The following ARRB2 variants were observed in gnomAD, a reference collection of about 807,000 sequenced individuals.
ARRB2 encodes the protein beta-arrestin-2.
ARRB2 carries 21 observed loss-of-function variants against 53.4 expected under a neutral mutation model. The observed-to-expected ratio is 0.39, with a 90% CI of 0.28 to 0.57. ARRB2 has a LOEUF of 0.57. Among genes scored for constraint, ARRB2 ranks in the 20% least tolerant of loss-of-function variants. The probability of loss-of-function intolerance (pLI) is 0.55; values close to 1 mark genes in which losing one functional copy is unlikely to be tolerated. For missense variants in ARRB2, 369 were observed against 527.5 expected, an observed-to-expected ratio of 0.70 and a Z score of 2.94; for synonymous variants, 180 against 212.9, an observed-to-expected ratio of 0.85 and a Z score of 1.34.
rs374803432 is a variant in ARRB2, at chr17:4,720,846, G to A, written c.1137-100G>A. On this transcript the variant is annotated intron_variant, in intron 14 of 14. Transcript: ENST00000269260. The stretch of plus-strand genomic sequence containing the variant: ...CCTCTGGTCCCACTGCTGTTCGAAC[G>A]CCTCTGTCCCAGAGGCCTAGCTTCG... 30 of 1,280,232 alleles carry A rather than the reference G, an allele frequency of 2.3e-5. No homozygotes were observed. The East Asian group carries it at 3.0e-4, about 13-fold the overall frequency. The allele number at this position is 1,280,232 out of a possible 1,614,324, so 79.3% of individuals were successfully genotyped here. A position where few individuals can be genotyped will look rare whatever the true frequency, so the allele number is the denominator to read the frequency against.
chr17:4,713,013 A>G (rs1359931877), intron 1 of ARRB2, among the ~76,000 whole-genome samples: 1 of 152,070 alleles, frequency 6.6e-6, no homozygotes, highest in African/African-American at 2.4e-5. Flanking sequence ...TTTTGAGACA[A>G]AGTCTTGCTC....
chr17:4,719,544 G>T, intron 11 of ARRB2, 124 bp downstream of exon 11: 1 of 1,387,476 alleles, frequency 7.2e-7, no homozygotes. Flanking sequence ...TTACATTCTA[G>T]GGGAGGGAGG....
intron 1 of ARRB2, among the ~76,000 whole-genome samples, chr17:4,711,795 G>C (rs963858030): frequency 2.0e-5 from 3 of 152,180 alleles, no homozygotes; most frequent in Non-Finnish European, 2.9e-5. Flanking sequence ...GAGTGGGACG[G>C]ATGGACCAAA....
Position 4,720,267 on chromosome 17 carries a change from G to A in ARRB2, c.969G>A (p.Arg323=). 2 of 1,613,990 alleles carry A rather than the reference G, an allele frequency of 1.2e-6. No individual in the cohort carries two copies. Among genetic ancestry groups the A allele is most frequent in the Non-Finnish European group, 1.7e-6 (2 of 1,179,970 alleles). Residue 323 remains arginine (R), a synonymous_variant, in exon 12 of 15, where the codon AGG becomes AGA. Coordinates refer to ENST00000269260, the MANE Select transcript of ARRB2 (RefSeq NM_004313.4). ...TGCTGGGAATCCTGGTGTCCTACAG[G>A]GTCAAGGTGAAGCTGGTGGTGTCTC... ...KEVLGILVSY[R]VKVKLVVSRG...
Position 4,720,579 on chromosome 17 carries a change from C to T in ARRB2, c.1082-7C>T. The T allele has an allele frequency of 1.3e-6, 2 of 1,586,580 alleles. No homozygotes were observed. The highest frequency in any genetic ancestry group is 1.7e-6 in the Non-Finnish European group (2 of 1,169,476). On this transcript the variant is annotated splice_region_variant and splice_polypyrimidine_tract_variant and intron_variant, in intron 13 of 14. Coordinates refer to ENST00000269260, the MANE Select transcript of ARRB2 (RefSeq NM_004313.4). ...CACCCCCACACCCCCTCTTCCCGTC[C>T]CCCCAGCCGCTCCGGAGACAGATGT...
At chr17:4,712,907 C>G (rs1450202988) in intron 1 of ARRB2, among the ~76,000 whole-genome samples, 1 of 152,240 alleles carries the variant, frequency 6.6e-6, no homozygotes. Context: ...CTTGACCTCT[C>G]TCTGCCTCAG....
chr17:4,719,553 G>A (rs1208036360), intron 11 of ARRB2, 133 bp downstream of exon 11: 1 of 1,313,998 alleles, frequency 7.6e-7, no homozygotes, highest in Non-Finnish European at 1.0e-6. Flanking sequence ...AGGGGAGGGA[G>A]GATAGCCAAA....
chr17:4,716,671 G>T, intron 5 of ARRB2, 63 bp downstream of exon 5: 1 of 1,531,162 alleles, frequency 6.5e-7, no homozygotes, highest in Non-Finnish European at 8.8e-7. Context: ...CTGGGGTGGG[G>T]GTAAGGCACT....
intron 11 of ARRB2, 83 bp from the exon 12 acceptor site, chr17:4,720,133 C>G (rs995051732): frequency 7.0e-7 from 1 of 1,437,314 alleles, no homozygotes; most frequent in East Asian, 2.5e-5. Flanking sequence ...TGTGGTCCTG[C>G]CCAGAGTCCC....
intron 4 of ARRB2, 88 bp downstream of exon 4, chr17:4,716,279 G>A: frequency 6.2e-7 from 1 of 1,607,862 alleles, no homozygotes; most frequent in Non-Finnish European, 8.5e-7. Flanking sequence ...CCAGAGAGAT[G>A]GAGGCTGGAG....
At chr17:4,716,090 C>G in intron 3 of ARRB2, 57 bp downstream of exon 3, 1 of 1,614,092 alleles carries the variant, frequency 6.2e-7, no homozygotes, top group Non-Finnish European at 8.5e-7. Context: ...AGTTCCCGGG[C>G]CCAGGAAAGC....
chr17:4,718,087 C>T, intron 8 of ARRB2, 64 bp downstream of exon 8: 1 of 1,602,344 alleles, frequency 6.2e-7, no homozygotes. Flanking sequence ...AGGGGCGAAG[C>T]CACACATCAA....
intron 11 of ARRB2, 57 bp from the exon 12 acceptor site, chr17:4,720,159 G>A (rs950786858): frequency 1.2e-5 from 18 of 1,547,154 alleles, no homozygotes; most frequent in Middle Eastern, 1.8e-4. Flanking sequence ...GAACCCCACG[G>A]TGGGCCAGGT....
At chr17:4,716,679 A>C in intron 5 of ARRB2, 71 bp downstream of exon 5, 3 of 1,523,638 alleles carry the variant, frequency 2.0e-6, no homozygotes. Flanking sequence ...GGGGTAAGGC[A>C]CTGCTGTGGG....
Position 4,718,250 on chromosome 17 carries a change from C to T in ARRB2, c.622-11C>T. 3.7e-6 allele frequency: 6 copies of T among 1,608,072 alleles called. No individual in the cohort carries two copies. The highest frequency in any genetic ancestry group is 4.2e-6 in the Non-Finnish European group (5 of 1,176,782). ...CCAGTTCCAATTCACATGACCCCCT[C>T]CCCCCAAAAGCTGTACTACCATGGG... is the stretch of plus-strand genomic sequence containing the variant. On this transcript the variant is annotated splice_polypyrimidine_tract_variant and intron_variant, in intron 8 of 14. Transcript: ENST00000269260.
intron 13 of ARRB2, 48 bp downstream of exon 13, chr17:4,720,520 G>A: frequency 6.3e-7 from 1 of 1,586,968 alleles, no homozygotes; most frequent in Non-Finnish European, 8.6e-7. Flanking sequence ...GCCTGAAGCA[G>A]GGCCAGTGGA....
rs780185793 is a variant in ARRB2 at position 4,717,790 on chromosome 17, C to T, written c.485+38C>T. 1.8e-5 allele frequency: 29 copies of T among 1,601,994 alleles called. No homozygotes were observed. The highest frequency in any genetic ancestry group is 2.5e-5 in the Non-Finnish European group (29 of 1,173,890). On this transcript the variant is annotated intron_variant, in intron 7 of 14. Transcript: ENST00000269260. The surrounding 1 kb of genome is among the most constrained non-coding windows in gnomAD (Gnocchi z 6.0). ...ACCTCCTCTGTGGTGTAAGAGGAGG[C>T]TTTCCTCCCCGCTTCCAGGAGCCCA...
intron 11 of ARRB2, among the ~76,000 whole-genome samples, chr17:4,719,814 C>T (rs2150603235): frequency 6.6e-6 from 1 of 152,156 alleles, no homozygotes. Context: ...CAGGAGCAGC[C>T]CTGGAGGTCC....
At chr17:4,720,700 T>G in intron 14 of ARRB2, 60 bp downstream of exon 14, 2 of 1,399,422 alleles carry the variant, frequency 1.4e-6, no homozygotes, top group Non-Finnish European at 1.9e-6. Context: ...AACATTCAAA[T>G]CTGCCCTCAT....
Sources: allele counts gnomAD v4.1 joint callset (sites outside exome capture counted in the v4.1 genomes callset), GRCh38; gene constraint gnomAD v4.1.1; non-coding constraint Gnocchi (gnomAD v3.1); transcripts MANE v1.5; gene names NCBI Gene and HGNC (gene_info 2026-07-23, HGNC 2026-07-21).